FGFR2: variants seen among roughly 807,000 people sequenced by gnomAD.
FGFR2 encodes the protein BEK fibroblast growth factor receptor.
In FGFR2, 19 loss-of-function variants were observed where a neutral mutation model predicts 95.9. The ratio of observed to expected loss-of-function variants is 0.20; its 90% CI spans 0.14 to 0.29. The LOEUF is 0.29. FGFR2 is among the 10% of genes least tolerant of loss of function. The pLI is 1.00. For missense variants in FGFR2, 707 were observed against 1,056.9 expected (o/e 0.67, Z 4.59); for synonymous variants, 392 against 393.3 (o/e 1.00, Z 0.04).
chr10:121,556,168 C>T (rs1462307731), intron 4 of FGFR2, among the ~76,000 whole-genome samples: 1 of 152,116 alleles, frequency 6.6e-6, no homozygotes, highest in Non-Finnish European at 1.5e-5. Flanking sequence ...CTATTAAAAG[C>T]TTTAGCTATA....
At chr10:121,506,690 G>A (rs1848335336) in intron 9 of FGFR2, among the ~76,000 whole-genome samples, 1 of 152,224 alleles carries the variant, frequency 6.6e-6, no homozygotes, top group African/African-American at 2.4e-5. Context: ...GAAGGCAGCT[G>A]TCCCACAGCG....
intron 2 of FGFR2, among the ~76,000 whole-genome samples, chr10:121,569,194 GTTTCTT>G (rs1035074863): frequency 6.8e-6 from 1 of 146,170 alleles, no homozygotes; most frequent in African/African-American, 2.6e-5. Context: ...GAACATCTGG[GTTTCTT>G]TTTCTTTTCT....
chr10:121,553,887 C>A (rs1358839594), intron 4 of FGFR2, among the ~76,000 whole-genome samples: 1 of 152,214 alleles, frequency 6.6e-6, no homozygotes. Flanking sequence ...ATGGGTGAGT[C>A]TGTAACAGCC....
intron 4 of FGFR2, among the ~76,000 whole-genome samples, chr10:121,553,380 T>A (rs1280378508): frequency 6.6e-6 from 1 of 152,164 alleles, no homozygotes; most frequent in Non-Finnish European, 1.5e-5. Context: ...CTTTTGAGGG[T>A]TCACCAGGGA....
chr10:121,489,728 T>C (rs1190496574), intron 13 of FGFR2, among the ~76,000 whole-genome samples: 3 of 152,180 alleles, frequency 2.0e-5, no homozygotes, highest in African/African-American at 7.2e-5. Context: ...TCTTTACACA[T>C]TCCTCCCAAG....
At chr10:121,515,008 G>C (rs1217733861) in intron 9 of FGFR2, 109 bp downstream of exon 9, 10 of 1,031,086 alleles carry the variant, frequency 9.7e-6, no homozygotes, top group Non-Finnish European at 1.3e-5. Flanking sequence ...AGAATCACTC[G>C]CACATGGAAG....
At chr10:121,554,317 C>T (rs1340636772) in intron 4 of FGFR2, among the ~76,000 whole-genome samples, 2 of 150,910 alleles carry the variant, frequency 1.3e-5, no homozygotes, top group Non-Finnish European at 2.9e-5. Context: ...GAACTTGATA[C>T]GGGAGGGGAG....
chr10:121,544,679 A>G (rs572228773), intron 5 of FGFR2, among the ~76,000 whole-genome samples: 1 of 152,182 alleles, frequency 6.6e-6, no homozygotes, highest in South Asian at 2.1e-4. Context: ...AGGGGAAATG[A>G]GTACTTACTA....
intron 4 of FGFR2, among the ~76,000 whole-genome samples, chr10:121,559,776 C>G (rs1287813681): frequency 6.6e-6 from 1 of 152,224 alleles, no homozygotes; most frequent in Non-Finnish European, 1.5e-5. Flanking sequence ...GTGCTCTACC[C>G]CCTGGCCCTT....
intron 5 of FGFR2, among the ~76,000 whole-genome samples, chr10:121,543,767 C>A (rs1164742289): frequency 3.9e-5 from 6 of 152,168 alleles, no homozygotes; most frequent in Non-Finnish European, 5.9e-5. Flanking sequence ...CAGGGCCGGG[C>A]AATCTGATCC....
At chr10:121,499,050 G>A (rs187206614) in intron 11 of FGFR2, among the ~76,000 whole-genome samples, 103 of 152,270 alleles carry the variant, frequency 6.8e-4, no homozygotes, top group African/African-American at 2.3e-3. Flanking sequence ...CCCTTAGAGC[G>A]TTCCGAGGTG....
At chr10:121,555,371 C>CTCAA (rs3036011) in intron 4 of FGFR2, among the ~76,000 whole-genome samples, 19,464 of 142,702 alleles carry the variant, frequency 0.14, 1,490 homozygotes, top group Middle Eastern at 0.19. Context: ...AAAACTCTGT[C>CTCAA]TCAATCAATC....
At chr10:121,578,462 T>G (rs569229634) in intron 2 of FGFR2, among the ~76,000 whole-genome samples, 4 of 152,334 alleles carry the variant, frequency 2.6e-5, no homozygotes, top group Non-Finnish European at 5.9e-5. Flanking sequence ...CTCTAGGACA[T>G]GCACAGCCAA....
At chr10:121,581,591 GA>G (rs1860892787) in intron 2 of FGFR2, among the ~76,000 whole-genome samples, 1 of 141,854 alleles carries the variant, frequency 7.0e-6, no homozygotes, top group African/African-American at 2.6e-5. Flanking sequence ...AAAAAAAAAA[GA>G]AAAAAAGAAA....
At chr10:121,524,595 G>A (rs939613024) in intron 6 of FGFR2, among the ~76,000 whole-genome samples, 2 of 152,148 alleles carry the variant, frequency 1.3e-5, no homozygotes, top group East Asian at 1.9e-4. Flanking sequence ...ACCCTTCAGC[G>A]ATCCACCACC....
chr10:121,520,098 C>T lies in FGFR2; in HGVS notation c.820G>A (p.Val274Ile), dbSNP rs1488169619. 10 of 1,614,220 alleles carry T rather than the reference C, an allele frequency of 6.2e-6. No individual in the cohort carries two copies. In the Admixed American group the frequency reaches 6.7e-5, roughly 11 times the overall value. ...CTGTAAACCTTGCAGACAAACTCTA[C>T]GTCTCCTCCGACCACTGTGGAGGCA... is the stretch of plus-strand genomic sequence containing the variant. ...ANASTVVGGDVEFVCKVYSDA... is the reference protein window; with the variant it reads ...ANASTVVGGDIEFVCKVYSDA... Residue 274 changes from valine (V) to isoleucine (I), a missense_variant, in exon 7 of 18, where the codon GTA becomes ATA. Val to Ile is a conservative substitution (Grantham distance 29). This residue lies in a region of FGFR2 where 139 missense variants were observed against 278.1 expected (regional missense o/e 0.50). Transcript: ENST00000358487.
At chr10:121,540,836 A>C (rs1853629960) in intron 5 of FGFR2, among the ~76,000 whole-genome samples, 1 of 152,196 alleles carries the variant, frequency 6.6e-6, no homozygotes, top group Non-Finnish European at 1.5e-5. Flanking sequence ...GACCCCATTC[A>C]AACTGTCAAT....
chr10:121,549,348 A>G (rs1197875895), intron 5 of FGFR2, among the ~76,000 whole-genome samples: 1 of 152,192 alleles, frequency 6.6e-6, no homozygotes, highest in African/African-American at 2.4e-5. Context: ...CTGGTGTGTT[A>G]AAGACACGTG....
chr10:121,495,037 C>A (rs1422625435), intron 13 of FGFR2, among the ~76,000 whole-genome samples: 5 of 152,286 alleles, frequency 3.3e-5, no homozygotes, highest in Admixed American at 6.5e-5. Context: ...GTCTCCCCAG[C>A]AGTTTTTGTC....
Sources: allele counts gnomAD v4.1 joint callset (sites outside exome capture counted in the v4.1 genomes callset), GRCh38; gene constraint gnomAD v4.1.1; regional missense constraint gnomAD v4.1.1; transcripts MANE v1.5; gene names NCBI Gene and HGNC (gene_info 2026-07-23, HGNC 2026-07-21).